Variants in BCAN observed in about 807,000 individuals in gnomAD.
BCAN encodes the protein brevican, also known as brevican core protein.
BCAN carries 51 observed loss-of-function variants against 92.4 expected under a neutral mutation model. That is an observed-to-expected ratio of 0.55 (90% CI 0.44 to 0.70). BCAN has a LOEUF of 0.70. BCAN is among the 30% of genes least tolerant of loss of function. The pLI is 0.00. For synonymous variants in BCAN, 501 were observed against 505.2 expected (o/e 0.99, Z 0.11); for missense variants, 1,140 against 1,212.1 (o/e 0.94, Z 0.88).
At chr1:156,644,088 C>T (rs1285625775) in intron 1 of BCAN, 1 of 152,212 alleles carries the variant, frequency 6.6e-6, no homozygotes, top group Non-Finnish European at 1.5e-5. Context: ...CTCAGAACTG[C>T]ACGGGGCTAC....
rs2102564372 is a variant in BCAN, at chr1:156,651,687, T to G, written c.1295T>G (p.Leu432Arg). Residue 432 changes from leucine to arginine, a missense_variant and splice_region_variant, in exon 7 of 14, where the codon CTA (leucine) becomes CGA (arginine). Leu to Arg is a moderately radical substitution (Grantham distance 102, BLOSUM62 -2). Transcript: ENST00000329117. ...CCAGCAGAGGCCCCTAGGACGCTCC[T>G]AGGTAAGTCGGATCCCTTATCCTAA... ...EDPAEAPRTL[L>R]EFETQSMVPP... The G allele has an allele frequency of 1.9e-6, 3 of 1,604,082 alleles. No homozygotes were observed. Among genetic ancestry groups the G allele is most frequent in the East Asian group, 4.5e-5 (2 of 44,794 alleles).
At chr1:156,645,950 C>T in intron 1 of BCAN, 97 bp from the exon 2 acceptor site, 1 of 984,272 alleles carries the variant, frequency 1.0e-6, no homozygotes. Flanking sequence ...CTTCTGGAGC[C>T]AGGATATGTG....
rs770872561 is a variant in BCAN, at chr1:156,646,993, G to A, written c.284G>A (p.Gly95Glu). Residue 95 changes from glycine (G) to glutamate (E), a missense_variant, in exon 3 of 14, where the codon GGA becomes GAA. By Grantham distance (98) the Gly-to-Glu change is moderately conservative. Around this residue, in one of 3 missense-constraint regions of BCAN, gnomAD observed 286 missense variants for 284.1 expected, o/e 1.01. Transcript: ENST00000329117. ...GREAEVLVAR[G>E]VRVKVNEAYR... The stretch of plus-strand genomic sequence containing the variant: ...GAGGCAGAGGTGCTGGTGGCGCGGG[G>A]AGTGCGCGTCAAGGTGAACGAGGCC... 4 of 1,612,930 alleles carry A rather than the reference G, an allele frequency of 2.5e-6. No homozygotes were observed. Among genetic ancestry groups the A allele is most frequent in the African/African-American group, 2.7e-5 (2 of 74,928 alleles).
In BCAN at chr1:156,658,627, G is replaced by A. The variant is rs763780511; in HGVS notation, c.2522G>A (p.Arg841His). 1.2e-5 allele frequency: 20 copies of A among 1,614,118 alleles called. No individual in the cohort carries two copies. In the Admixed American group the frequency reaches 1.5e-4, roughly 12 times the overall value. The change falls in exon 13 of 14, where the codon CGC becomes CAC. Residue 841 changes from arginine to histidine, a missense_variant. By Grantham distance (29) the Arg-to-His change is conservative. Around this residue, in one of 3 missense-constraint regions of BCAN, gnomAD observed 825 missense variants for 871.8 expected, o/e 0.95. Transcript: ENST00000329117. This position sits in a 1 kb window ranked among gnomAD's most constrained non-coding sequence, Gnocchi z 4.4. ...CGCTATGAGGTGGACACTGTGCTTCGCTACCGGTGCCGGGAAGGACTGGCC... is the reference window on the plus strand; with the variant it reads ...CGCTATGAGGTGGACACTGTGCTTCACTACCGGTGCCGGGAAGGACTGGCC... The part of the protein sequence containing the change: ...RLRYEVDTVL[R>H]YRCREGLAQR...
At chr1:156,645,976 G>A in intron 1 of BCAN, 71 bp from the exon 2 acceptor site, 2 of 1,338,772 alleles carry the variant, frequency 1.5e-6, no homozygotes, top group Non-Finnish European at 2.1e-6. Flanking sequence ...CCACATGGGT[G>A]TGGTAGGGAG....
At chr1:156,657,631 C>G (rs747300526) in intron 10 of BCAN, 44 bp from the exon 11 acceptor site, 2 of 1,532,566 alleles carry the variant, frequency 1.3e-6, no homozygotes, top group Non-Finnish European at 1.8e-6. Flanking sequence ...GAACGGCCGC[C>G]ATCTGCTGGC....
chr1:156,647,446 G>A lies in BCAN; in HGVS notation c.467-62G>A. On this transcript the variant is annotated intron_variant, in intron 3 of 13. Coordinates refer to ENST00000329117, the MANE Select transcript of BCAN (RefSeq NM_021948.5). The surrounding 1 kb of genome is among the most constrained non-coding windows in gnomAD (Gnocchi z 4.8). ...CTTGTGTACAGAGGAGTGACAAGGA[G>A]GGTGAGGGGAGGCCAGCGTGCTGGG... 2 of 1,455,654 alleles carry A rather than the reference G, an allele frequency of 1.4e-6. No individual in the cohort carries two copies. The highest frequency in any genetic ancestry group is 1.9e-6 in the Non-Finnish European group (2 of 1,080,902). 90.2% of individuals were successfully genotyped at this position (1,455,654 alleles called of 1,614,324 possible). A position where few individuals can be genotyped will look rare whatever the true frequency, so the allele number is the denominator to read the frequency against.
In BCAN at chr1:156,646,113, C is replaced by G. The variant is rs1482474507; in HGVS notation, c.59C>G (p.Ala20Gly). The G allele has an allele frequency of 1.9e-6, 3 of 1,613,922 alleles. No homozygotes were observed. Among genetic ancestry groups the G allele is most frequent in the Non-Finnish European group, 8.5e-7 (1 of 1,179,812 alleles). Residue 20 changes from alanine (A) to glycine (G), a missense_variant, in exon 2 of 14, where the codon GCT becomes GGT. By Grantham distance (60) the Ala-to-Gly change is moderately conservative. Around this residue, in one of 3 missense-constraint regions of BCAN, gnomAD observed 286 missense variants for 284.1 expected, o/e 1.01. Coordinates refer to ENST00000329117, the MANE Select transcript of BCAN (RefSeq NM_021948.5). Reference sequence around the variant, plus strand: ...CTGGTCCTGGCCCAGGCTCCTGCAGCTTTAGCAGATGTTCTGGAAGGAGAC... The same window carrying G: ...CTGGTCCTGGCCCAGGCTCCTGCAGGTTTAGCAGATGTTCTGGAAGGAGAC... ...AALVLAQAPA[A>G]LADVLEGDSS...
In BCAN at chr1:156,648,583, G is replaced by T. The variant is rs1159772098; in HGVS notation, c.785G>T (p.Gly262Val). 2 of 1,595,162 alleles carry T rather than the reference G, an allele frequency of 1.3e-6. No homozygotes were observed. ...CTCCACCCAGGAGAACTGTTCCTGGGTGACCCTCCAGAGAAGCTGACATTG... is the reference window on the plus strand; with the variant it reads ...CTCCACCCAGGAGAACTGTTCCTGGTTGACCCTCCAGAGAAGCTGACATTG... ...AEDLNGELFL[G>V]DPPEKLTLEE... Residue 262 changes from glycine to valine, a missense_variant, in exon 6 of 14, where the codon GGT (glycine) becomes GTT (valine). Gly to Val is a moderately radical substitution (Grantham distance 109). Transcript: ENST00000329117.
At chr1:156,656,538 C>A in intron 9 of BCAN, 149 bp downstream of exon 9, 1 of 589,306 alleles carries the variant, frequency 1.7e-6, no homozygotes, top group Non-Finnish European at 2.6e-6. Context: ...TGAGTCCTAC[C>A]CTCAATTTTC....
In BCAN at chr1:156,657,888, C is replaced by T. The variant is rs545831508; in HGVS notation, c.2292+131C>T. The stretch of plus-strand genomic sequence containing the variant: ...TCCTTCCCTTTCTCGTGCCCTGTGC[C>T]TCTTCTCCCTGGGCTCTCCTCCCTT... On this transcript the variant is annotated intron_variant, in intron 11 of 13. Coordinates refer to ENST00000329117, the MANE Select transcript of BCAN (RefSeq NM_021948.5). The T allele has an allele frequency of 4.7e-6, 4 of 857,494 alleles. No individual in the cohort carries two copies. In the East Asian group the frequency reaches 1.1e-4, roughly 23 times the overall value. The allele number at this position is 857,494 out of a possible 1,614,324, so 53.1% of individuals were successfully genotyped here.
chr1:156,649,926 G>A, intron 6 of BCAN: 2 of 519,006 alleles, frequency 3.9e-6, no homozygotes, highest in East Asian at 5.4e-5. Flanking sequence ...TCTGAAGGAT[G>A]AAGACACAGC....
chr1:156,652,417 G>A lies in BCAN; in HGVS notation c.1467G>A (p.Pro489=), dbSNP rs746362652. 101 of 1,605,030 alleles carry A rather than the reference G, an allele frequency of 6.3e-5. No individual in the cohort carries two copies. The highest frequency in any genetic ancestry group is 7.7e-5 in the Non-Finnish European group (91 of 1,175,520). The stretch of plus-strand genomic sequence containing the variant: ...CATGGCCCAGCGAGCTCAGCAGCCC[G>A]GGCCCTGAGGCCTCTCTCCCCACTG... ...LWAWPSELSS[P]GPEASLPTEP... Residue 489 remains proline, a synonymous_variant, in exon 8 of 14, where the codon CCG becomes CCA. Transcript: ENST00000329117.
Position 156,646,816 on chromosome 1 carries a change from G to A in BCAN, c.107G>A (p.Arg36His). ...CCGTTCACAGAGGACCGCGCTTTTC[G>A]CGTGCGCATCGCGGGCGACGCGCCA... ...EGDSSEDRAF[R>H]VRIAGDAPLQ... Residue 36 changes from arginine (R) to histidine (H), a missense_variant, in exon 3 of 14, where the codon CGC (arginine) becomes CAC (histidine). Physicochemically the swap from Arg to His is conservative, Grantham distance 29. Coordinates refer to ENST00000329117, the MANE Select transcript of BCAN (RefSeq NM_021948.5). 6.4e-7 allele frequency: 1 copy of A among 1,566,866 alleles called. No homozygotes were observed. The highest frequency in any genetic ancestry group is 8.6e-7 in the Non-Finnish European group (1 of 1,156,862).
intron 8 of BCAN, chr1:156,653,460 G>A (rs967437507): frequency 4.0e-6 from 4 of 988,186 alleles, no homozygotes; most frequent in African/African-American, 1.7e-5. Context: ...CTATTAAACC[G>A]CTTTGTAACC....
At chr1:156,651,934 C>T (rs970297315) in intron 7 of BCAN, among the ~76,000 whole-genome samples, 5 of 152,210 alleles carry the variant, frequency 3.3e-5, no homozygotes, top group African/African-American at 1.2e-4. Flanking sequence ...AAAGGTGGAA[C>T]CTGCCTTCTT....
chr1:156,645,679 G>C (rs1051228127), intron 1 of BCAN, among the ~76,000 whole-genome samples: 3 of 152,168 alleles, frequency 2.0e-5, no homozygotes, highest in Non-Finnish European at 4.4e-5. Flanking sequence ...AGCTCCTACT[G>C]TCTGCCTGGT....
At chr1:156,645,689 T>C (rs1290712301) in intron 1 of BCAN, among the ~76,000 whole-genome samples, 1 of 152,216 alleles carries the variant, frequency 6.6e-6, no homozygotes, top group Non-Finnish European at 1.5e-5. Flanking sequence ...GTCTGCCTGG[T>C]GCTATGCATT....
At chr1:156,648,342 G>C (rs534781170) in intron 5 of BCAN, among the ~76,000 whole-genome samples, 27 of 152,268 alleles carry the variant, frequency 1.8e-4, no homozygotes, top group East Asian at 1.5e-3. Context: ...CACCTGCCAG[G>C]TGGACTCTGT....
Sources: allele counts gnomAD v4.1 joint callset (sites outside exome capture counted in the v4.1 genomes callset), GRCh38; gene constraint gnomAD v4.1.1; regional missense constraint gnomAD v4.1.1; non-coding constraint Gnocchi (gnomAD v3.1); transcripts MANE v1.5; gene names NCBI Gene and HGNC (gene_info 2026-07-23, HGNC 2026-07-21).